MTA3: variants seen among roughly 807,000 people sequenced by gnomAD.
MTA3 encodes the protein metastasis associated 1 family member 3.
Under a neutral mutation model 83.5 loss-of-function variants are expected in MTA3, and 34 were observed. The observed-to-expected ratio is 0.41, with a 90% CI of 0.31 to 0.54. The LOEUF (loss-of-function observed/expected upper bound fraction) is 0.54. Ranked by LOEUF, MTA3 falls within the 20% of genes least tolerant of loss-of-function variation. The pLI is 0.33. For missense variants in MTA3, 761 were observed against 726.4 expected (o/e 1.05, Z -0.55); for synonymous variants, 303 against 252.7 (o/e 1.20, Z -1.89).
chr2:42,568,622 C>CG, upstream of MTA3: 1 of 521,984 alleles, frequency 1.9e-6, no homozygotes, highest in Non-Finnish European at 2.7e-6. Flanking sequence ...CCTTCCCTCC[C>CG]TTCCCCCCCG....
chr2:42,695,941 C>CAATTTG (rs1693353827), intron 10 of MTA3, 102 bp downstream of exon 10: 2 of 697,082 alleles, frequency 2.9e-6, no homozygotes, highest in Admixed American at 3.2e-5. Flanking sequence ...ATTTGTTTAC[C>CAATTTG]TTACTTTTTC....
At chr2:42,708,781 A>T in intron 13 of MTA3, 93 bp from the exon 14 acceptor site, 1 of 1,326,126 alleles carries the variant, frequency 7.5e-7, no homozygotes, top group Non-Finnish European at 1.1e-6. Context: ...TGAAAGATTT[A>T]AAAGTTGCAC....
intron 2 of MTA3, among the ~76,000 whole-genome samples, chr2:42,573,875 G>A (rs1258397163): frequency 6.7e-6 from 1 of 149,274 alleles, no homozygotes; most frequent in East Asian, 2.0e-4. Context: ...CTAGAGTGCA[G>A]TGGCGCAATC....
chr2:42,700,225 A>G (rs1029231773), intron 11 of MTA3, among the ~76,000 whole-genome samples: 1 of 152,062 alleles, frequency 6.6e-6, no homozygotes, highest in Non-Finnish European at 1.5e-5. Flanking sequence ...TGGAGCACTG[A>G]TGAGGAGAGT....
intron 7 of MTA3, among the ~76,000 whole-genome samples, chr2:42,657,043 T>C (rs1383506301): frequency 6.6e-6 from 1 of 152,166 alleles, no homozygotes; most frequent in East Asian, 1.9e-4. Flanking sequence ...TAGTGGATTT[T>C]TAAATACATT....
At chr2:42,571,486 A>G (rs1273969063) in intron 2 of MTA3, among the ~76,000 whole-genome samples, 1 of 152,048 alleles carries the variant, frequency 6.6e-6, no homozygotes, top group Admixed American at 6.6e-5. Context: ...AATATTTAAA[A>G]GTGTGCAGAT....
intron 4 of MTA3, chr2:42,614,207 C>G (rs1684571561): frequency 6.6e-6 from 1 of 152,150 alleles, no homozygotes; most frequent in Non-Finnish European, 1.5e-5. Context: ...AGGTGATTCT[C>G]TTGCCTCAGC....
chr2:42,737,455 C>T (rs1168020686), intron 16 of MTA3, among the ~76,000 whole-genome samples: 1 of 152,114 alleles, frequency 6.6e-6, no homozygotes, highest in East Asian at 1.9e-4. Context: ...GTTCTCCCTC[C>T]CTCTTCCCTT....
chr2:42,691,888 G>A (rs1327832630), intron 9 of MTA3, among the ~76,000 whole-genome samples: 2 of 152,180 alleles, frequency 1.3e-5, no homozygotes, highest in Non-Finnish European at 2.9e-5. Context: ...GCTGCCAAAC[G>A]TATTGGAACT....
chr2:42,568,906 C>T, intron 1 of MTA3, 133 bp downstream of exon 1: 1 of 912,386 alleles, frequency 1.1e-6, no homozygotes, highest in Non-Finnish European at 1.4e-6. Context: ...GCGCCGGGGC[C>T]CGCAGAGGGG....
intron 16 of MTA3, among the ~76,000 whole-genome samples, chr2:42,740,842 A>G (rs1449988164): frequency 6.6e-6 from 1 of 152,246 alleles, no homozygotes; most frequent in Non-Finnish European, 1.5e-5. Flanking sequence ...GCTTTTTGGA[A>G]TAGTAAATGA....
intron 2 of MTA3, among the ~76,000 whole-genome samples, chr2:42,514,208 G>A (rs1050946278): frequency 2.6e-5 from 4 of 151,544 alleles, no homozygotes; most frequent in Admixed American, 6.6e-5. Flanking sequence ...ATGAGACTCC[G>A]TCTCAAAAAA....
At chr2:42,512,874 A>G (rs1674968499) in intron 2 of MTA3, among the ~76,000 whole-genome samples, 1 of 152,188 alleles carries the variant, frequency 6.6e-6, no homozygotes, top group African/African-American at 2.4e-5. Context: ...CACCCTAGTC[A>G]CCAACTCAAG....
intron 4 of MTA3, among the ~76,000 whole-genome samples, chr2:42,638,868 A>T (rs1687436370): frequency 7.0e-6 from 1 of 143,230 alleles, no homozygotes; most frequent in Non-Finnish European, 1.5e-5. Context: ...TGATCACCAG[A>T]AAAAGACATT....
chr2:42,508,917 G>A (rs1674771962), intron 2 of MTA3, among the ~76,000 whole-genome samples: 2 of 149,006 alleles, frequency 1.3e-5, no homozygotes, highest in Admixed American at 1.4e-4. Context: ...TAGTATATAT[G>A]TTGGGGGAAA....
At chr2:42,527,002 T>C (rs1413423001) in intron 2 of MTA3, among the ~76,000 whole-genome samples, 5 of 129,400 alleles carry the variant, frequency 3.9e-5, no homozygotes, top group African/African-American at 6.1e-5. Context: ...TGCAGTGAGC[T>C]GAGATCCCGC....
rs747380213 is a variant in MTA3, at chr2:42,709,115, C to T, written c.1525+19C>T. The T allele has an allele frequency of 6.4e-7, 1 of 1,567,238 alleles. No individual in the cohort carries two copies. Among genetic ancestry groups the T allele is most frequent in the Non-Finnish European group, 8.7e-7 (1 of 1,155,616 alleles). On this transcript the variant is annotated intron_variant, in intron 14 of 16. Coordinates refer to ENST00000405094, the MANE Select transcript of MTA3 (RefSeq NM_001330442.2). Reference sequence around the variant, plus strand: ...GCAGAATGTAAGATGCTTTTAAATTCTTAACCTTATATGTTGTGCTTCTGA... The same window carrying T: ...GCAGAATGTAAGATGCTTTTAAATTTTTAACCTTATATGTTGTGCTTCTGA...
chr2:42,733,112 C>G (rs1042430938), intron 16 of MTA3, among the ~76,000 whole-genome samples: 4 of 152,190 alleles, frequency 2.6e-5, no homozygotes, highest in Admixed American at 6.5e-5. Flanking sequence ...TTCAGCAACA[C>G]CCCACTCTGC....
chr2:42,565,346 TAAC>T (rs1331072192), upstream of MTA3, among the ~76,000 whole-genome samples: 19 of 148,184 alleles, frequency 1.3e-4, no homozygotes, highest in Non-Finnish European at 2.1e-4. Flanking sequence ...ACCAACTGGC[TAAC>T]TTTTTTTTTT....
Sources: gnomAD v4.1 joint callset for allele counts (sites outside exome capture counted in the v4.1 genomes callset) on GRCh38, gnomAD v4.1.1 for gene constraint, MANE v1.5 for transcripts, NCBI Gene and HGNC (gene_info 2026-07-23, HGNC 2026-07-21) for gene names.